The following ANKRD13B variants were observed in gnomAD, a reference collection of about 807,000 sequenced individuals.
ANKRD13B encodes the protein ankyrin repeat domain-containing protein 13B.
ANKRD13B carries 33 observed loss-of-function variants against 74.4 expected under a neutral mutation model. The observed-to-expected ratio is 0.44, with a 90% CI of 0.34 to 0.59. ANKRD13B has a LOEUF of 0.59. ANKRD13B is among the 20% of genes least tolerant of loss of function. ANKRD13B has a pLI of 0.02. For missense variants in ANKRD13B, 676 were observed against 877.9 expected (o/e 0.77, Z 2.91); for synonymous variants, 341 against 362.9 (o/e 0.94, Z 0.68).
intron 1 of ANKRD13B, among the ~76,000 whole-genome samples, chr17:29,606,193 G>C (rs980080519): frequency 1.3e-5 from 2 of 151,756 alleles, no homozygotes; most frequent in African/African-American, 4.8e-5. Flanking sequence ...TTACAGGCGT[G>C]AGCTACCGCG....
chr17:29,606,157 C>T (rs562392739), intron 1 of ANKRD13B, among the ~76,000 whole-genome samples: 143 of 150,312 alleles, frequency 9.5e-4, no homozygotes, highest in Middle Eastern at 3.5e-3. Flanking sequence ...GTGATCTACC[C>T]GCCTCGGCCT....
At chr17:29,593,811 C>T (rs2033851561) in intron 1 of ANKRD13B, 76 bp downstream of exon 1, 1 of 828,296 alleles carries the variant, frequency 1.2e-6, no homozygotes, top group East Asian at 4.3e-5. Context: ...GGGTGCGGCG[C>T]GGGCTGTCCC....
chr17:29,598,373 T>C (rs963453648), intron 1 of ANKRD13B, among the ~76,000 whole-genome samples: 2 of 152,154 alleles, frequency 1.3e-5, no homozygotes, highest in Non-Finnish European at 2.9e-5. Context: ...AGAAGATGCG[T>C]AATGAAAAGC....
chr17:29,599,867 T>TTG (rs1555579133), intron 1 of ANKRD13B, among the ~76,000 whole-genome samples: 1 of 105,830 alleles, frequency 9.4e-6, no homozygotes, highest in Non-Finnish European at 1.9e-5. Flanking sequence ...TCTAATTTGT[T>TTG]TTTTTTTTTT....
At chr17:29,594,629 A>G (rs926443307) in intron 1 of ANKRD13B, among the ~76,000 whole-genome samples, 2 of 152,162 alleles carry the variant, frequency 1.3e-5, no homozygotes, top group Non-Finnish European at 2.9e-5. Context: ...GTAGGCACTC[A>G]TGGCAGAGAT....
chr17:29,612,946 GGGTCGCCGACAGGACA>G lies in ANKRD13B; in HGVS notation c.1640_1652+3del. On this transcript the variant is annotated frameshift_variant and splice_region_variant, in exon 14 of 15. Transcript: ENST00000394859. LOFTEE classifies it high-confidence loss of function. This position sits in a 1 kb window ranked among gnomAD's most constrained non-coding sequence, Gnocchi z 6.1. ...CAGGCACCCACCCCATGTCCTACGA[GGGTCGCCGACAGGACA>G]GGTCAGTGCCCGCTGGGCCGGAGAG... The G allele has an allele frequency of 6.3e-7, 1 of 1,598,046 alleles. No homozygotes were observed. The highest frequency in any genetic ancestry group is 8.5e-7 in the Non-Finnish European group (1 of 1,179,612).
chr17:29,611,705 G>C lies in ANKRD13B; in HGVS notation c.969+62G>C. 2 of 1,594,608 alleles carry C rather than the reference G, an allele frequency of 1.3e-6. No homozygotes were observed. The highest frequency in any genetic ancestry group is 1.1e-5 in the South Asian group (1 of 90,656). ...GTGGATGTGGCTCAGGAGGAGGCTTGGGAAGCGTCCTGCTTAGCATGGCCT... is the reference window on the plus strand; with the variant it reads ...GTGGATGTGGCTCAGGAGGAGGCTTCGGAAGCGTCCTGCTTAGCATGGCCT... On this transcript the variant is annotated intron_variant, in intron 9 of 14. Coordinates refer to ENST00000394859, the MANE Select transcript of ANKRD13B (RefSeq NM_152345.5). This position sits in a 1 kb window ranked among gnomAD's most constrained non-coding sequence, Gnocchi z 4.3.
intron 7 of ANKRD13B, among the ~76,000 whole-genome samples, chr17:29,610,206 A>G (rs2034534350): frequency 6.6e-6 from 1 of 151,886 alleles, no homozygotes; most frequent in African/African-American, 2.4e-5. Flanking sequence ...AAAAAAAAAA[A>G]AAAGGCTCTG....
Position 29,608,856 on chromosome 17 carries a change from CT to C in ANKRD13B, c.428del (p.Leu143ArgfsTer20), listed in dbSNP as rs928398869. 6.2e-7 allele frequency: 1 copy of C among 1,613,990 alleles called. No homozygotes were observed. Among genetic ancestry groups the C allele is most frequent in the African/African-American group, 1.3e-5 (1 of 74,950 alleles). On this transcript the variant is annotated frameshift_variant, in exon 5 of 15. Coordinates refer to ENST00000394859, the MANE Select transcript of ANKRD13B (RefSeq NM_152345.5). LOFTEE classifies it high-confidence loss of function. This position sits in a 1 kb window ranked among gnomAD's most constrained non-coding sequence, Gnocchi z 6.4. The stretch of plus-strand genomic sequence containing the variant: ...CCAACCTCCGCTTCCACCAGTGCCC[CT>C]GGTGTCCAAGATCTGCCCTAGTGAC... ...MKWEFTSWVP[L>X]VSKICPSDTY...
intron 1 of ANKRD13B, among the ~76,000 whole-genome samples, chr17:29,599,864 TG>T (rs2034090614): frequency 2.9e-5 from 4 of 139,394 alleles, no homozygotes; most frequent in East Asian, 2.0e-4. Flanking sequence ...GCATCTAATT[TG>T]TTTTTTTTTT....
rs756866813 is a variant in ANKRD13B, at chr17:29,611,584, A to G, written c.910A>G (p.Lys304Glu). 1 of 1,614,152 alleles carries G rather than the reference A, an allele frequency of 6.2e-7. No homozygotes were observed. Among genetic ancestry groups the G allele is most frequent in the South Asian group, 1.1e-5 (1 of 91,084 alleles). ...EQHKGKVKGCKTPLQSFLGIA... is the reference protein window; with the variant it reads ...EQHKGKVKGCETPLQSFLGIA... ...AGATGCCACATTTCTTGTAGGCTGT[A>G]AGACACCTTTGCAGTCCTTCCTGGG... Residue 304 changes from lysine (K) to glutamate (E), a missense_variant, in exon 9 of 15, where the codon AAG becomes GAG. Around this residue, in one of 4 missense-constraint regions of ANKRD13B, gnomAD observed 328 missense variants for 518.4 expected, o/e 0.63. Coordinates refer to ENST00000394859, the MANE Select transcript of ANKRD13B (RefSeq NM_152345.5). This position sits in a 1 kb window ranked among gnomAD's most constrained non-coding sequence, Gnocchi z 4.3.
At position 29,609,815 on chromosome 17, in the gene ANKRD13B, GTA is replaced by G. The variant is rs2034517733; in HGVS notation, c.822+395_822+396del. Among the ~76,000 whole-genome samples the G allele has an allele frequency of 6.6e-6, 1 of 152,172 alleles. No individual in the cohort carries two copies. Among genetic ancestry groups the G allele is most frequent in the Non-Finnish European group, 1.5e-5 (1 of 68,028 alleles). On this transcript the variant is annotated intron_variant, in intron 7 of 14. Coordinates refer to ENST00000394859, the MANE Select transcript of ANKRD13B (RefSeq NM_152345.5). The surrounding 1 kb of genome is among the most constrained non-coding windows in gnomAD (Gnocchi z 4.0). Reference sequence around the variant, plus strand: ...GAGGCTTAGAGTGGTTCTGTGACCTGTACAAGGTCACACAGCTGTTAAGTGGC... The same window carrying G: ...GAGGCTTAGAGTGGTTCTGTGACCTGCAAGGTCACACAGCTGTTAAGTGGC...
rs564446910 is a variant in ANKRD13B, at chr17:29,612,064, A to G, written c.1101-52A>G. ...GGCCGGGGCTCCAGGAGATGCTGGG[A>G]GGCCATGGCTTCCTGCAGTGTCCCT... is the stretch of plus-strand genomic sequence containing the variant. On this transcript the variant is annotated intron_variant, in intron 10 of 14. Coordinates refer to ENST00000394859, the MANE Select transcript of ANKRD13B (RefSeq NM_152345.5). The surrounding 1 kb of genome is among the most constrained non-coding windows in gnomAD (Gnocchi z 6.1). 6.2e-7 allele frequency: 1 copy of G among 1,607,836 alleles called. No homozygotes were observed. Among genetic ancestry groups the G allele is most frequent in the Non-Finnish European group, 8.5e-7 (1 of 1,176,134 alleles).
intron 1 of ANKRD13B, among the ~76,000 whole-genome samples, chr17:29,606,191 G>A (rs1404682866): frequency 1.3e-5 from 2 of 151,788 alleles, no homozygotes; most frequent in Non-Finnish European, 1.5e-5. Context: ...GATTACAGGC[G>A]TGAGCTACCG....
At chr17:29,598,322 A>G (rs867183012) in intron 1 of ANKRD13B, among the ~76,000 whole-genome samples, 2 of 152,146 alleles carry the variant, frequency 1.3e-5, no homozygotes, top group Non-Finnish European at 1.5e-5. Context: ...ATTTTTGACA[A>G]TGGAGTTCAT....
chr17:29,597,033 C>T (rs1567784364), intron 1 of ANKRD13B, among the ~76,000 whole-genome samples: 1 of 152,122 alleles, frequency 6.6e-6, no homozygotes, highest in Non-Finnish European at 1.5e-5. Context: ...CTGCACCCCA[C>T]GCTGGGCAGG....
intron 1 of ANKRD13B, among the ~76,000 whole-genome samples, chr17:29,597,658 G>T (rs2034000664): frequency 6.6e-6 from 1 of 152,144 alleles, no homozygotes; most frequent in African/African-American, 2.4e-5. Context: ...GGCCTCTGCT[G>T]AGGAGATTAA....
chr17:29,609,621 A>G lies in ANKRD13B; in HGVS notation c.822+200A>G, dbSNP rs969797404. The stretch of plus-strand genomic sequence containing the variant: ...GTATACACAGGGCACGTGCACACGC[A>G]CACACACACACACATTTATTCCTCA... On this transcript the variant is annotated intron_variant, in intron 7 of 14. Transcript: ENST00000394859. This position sits in a 1 kb window ranked among gnomAD's most constrained non-coding sequence, Gnocchi z 4.0. Among the ~76,000 whole-genome samples the G allele has an allele frequency of 3.3e-5, 5 of 152,014 alleles. No homozygotes were observed. Among genetic ancestry groups the G allele is most frequent in the East Asian group, 1.9e-4 (1 of 5,180 alleles).
Position 29,611,313 on chromosome 17 carries a change from G to A in ANKRD13B, c.905-266G>A, listed in dbSNP as rs1022955949. ...AGGCGTTTTACTGTCCAGGGTCACCGAGCTGGAGAGGAGCACTTTTGGAAG... is the reference window on the plus strand; with the variant it reads ...AGGCGTTTTACTGTCCAGGGTCACCAAGCTGGAGAGGAGCACTTTTGGAAG... On this transcript the variant is annotated intron_variant, in intron 8 of 14. Coordinates refer to ENST00000394859, the MANE Select transcript of ANKRD13B (RefSeq NM_152345.5). The surrounding 1 kb of genome is among the most constrained non-coding windows in gnomAD (Gnocchi z 4.3). Among the ~76,000 whole-genome samples, 3 of 152,214 alleles carry A rather than the reference G, an allele frequency of 2.0e-5. No individual in the cohort carries two copies. The highest frequency in any genetic ancestry group is 4.8e-5 in the African/African-American group (2 of 41,444).
Sources: gnomAD v4.1 joint callset for allele counts (sites outside exome capture counted in the v4.1 genomes callset) on GRCh38, gnomAD v4.1.1 for gene constraint, gnomAD v4.1.1 regional missense constraint, Gnocchi (gnomAD v3.1) non-coding constraint, MANE v1.5 for transcripts, NCBI Gene and HGNC (gene_info 2026-07-23, HGNC 2026-07-21) for gene names.